SLC25A16: variants seen among roughly 807,000 people sequenced by gnomAD.
The protein encoded by SLC25A16 is mitochondrial coenzyme A transporter SLC25A16.
Under a neutral mutation model 41.5 loss-of-function variants are expected in SLC25A16, and 39 were observed. That is an observed-to-expected ratio of 0.94 (90% CI 0.73 to 1.23). The LOEUF is 1.23. SLC25A16 is among the 50% of genes most tolerant of loss of function. The pLI is 0.00. For missense variants in SLC25A16, 421 were observed against 426.9 expected (o/e 0.99, Z 0.12); for synonymous variants, 146 against 147.8 (o/e 0.99, Z 0.09).
In SLC25A16 at chr10:68,478,136, T is replaced by C. The variant is rs1047690867; in HGVS notation, c.*5296A>G. ...GCTCTAGATTCAGACCGGCTGAATT[T>C]GAATCCTAGATCTGCCACTTACATG... On this transcript the variant is annotated 3_prime_UTR_variant, in exon 9 of 9. Transcript: ENST00000609923. The C allele has an allele frequency of 2.0e-5, 3 of 152,214 alleles. No homozygotes were observed. Among genetic ancestry groups the C allele is most frequent in the African/African-American group, 7.2e-5 (3 of 41,464 alleles). 9.4% of individuals were successfully genotyped at this position (152,214 alleles called of 1,614,324 possible).
intron 1 of SLC25A16, among the ~76,000 whole-genome samples, chr10:68,525,655 A>T (rs2053325315): frequency 6.6e-6 from 1 of 152,210 alleles, no homozygotes. Context: ...ATCTTAAATA[A>T]TTAAGTAATG....
chr10:68,509,439 G>A (rs556519054), intron 2 of SLC25A16, among the ~76,000 whole-genome samples: 1 of 152,098 alleles, frequency 6.6e-6, no homozygotes, highest in African/African-American at 2.4e-5. Flanking sequence ...GTACAACCAG[G>A]CACAGTAGCT....
Position 68,488,608 on chromosome 10 carries a change from C to A in SLC25A16, c.632G>T (p.Gly211Val). ...PYAGVSFFTF[G>V]TLKSVGLSHA... is the part of the protein sequence containing the mutation. Reference sequence around the variant, plus strand: ...GGAAAGCCCAACACTCTTCAAGGTACCAAAAGTAAAAAATGAAACACCTGA... The same window carrying A: ...GGAAAGCCCAACACTCTTCAAGGTAACAAAAGTAAAAAATGAAACACCTGA... Residue 211 changes from glycine to valine, a missense_variant, in exon 7 of 9, where the codon GGT becomes GTT. By Grantham distance (109) the Gly-to-Val change is moderately radical. Coordinates refer to ENST00000609923, the MANE Select transcript of SLC25A16 (RefSeq NM_152707.4). The A allele has an allele frequency of 1.9e-6, 3 of 1,612,708 alleles. No homozygotes were observed. The highest frequency in any genetic ancestry group is 2.5e-6 in the Non-Finnish European group (3 of 1,179,656).
intron 7 of SLC25A16, 33 bp from the exon 8 acceptor site, chr10:68,487,245 A>G: frequency 6.3e-7 from 1 of 1,596,120 alleles, no homozygotes; most frequent in South Asian, 1.1e-5. Context: ...AGAATTAAAA[A>G]TTTTTGGTTT....
At position 68,491,282 on chromosome 10, in the gene SLC25A16, G is replaced by A. The variant is rs191297215; in HGVS notation, c.610+1850C>T. Among the ~76,000 whole-genome samples, 636 of 151,348 alleles carry A rather than the reference G, an allele frequency of 4.2e-3. 8 individuals carry two copies. The highest frequency in any genetic ancestry group is 0.014 in the African/African-American group (597 of 41,200). On this transcript the variant is annotated intron_variant, in intron 6 of 8. Transcript: ENST00000609923. ...GCTCTTGTGGCCCAGACTGGAGTGC[G>A]ATGGTGCAATCTTGGCTCACTGCAA...
chr10:68,511,745 T>C (rs2053067004), intron 2 of SLC25A16, among the ~76,000 whole-genome samples: 1 of 152,120 alleles, frequency 6.6e-6, no homozygotes, highest in Non-Finnish European at 1.5e-5. Context: ...CAGGCTGGAG[T>C]GCAGTGGCAC....
intron 1 of SLC25A16, among the ~76,000 whole-genome samples, chr10:68,518,858 C>T (rs1388236046): frequency 6.6e-6 from 1 of 151,662 alleles, no homozygotes; most frequent in African/African-American, 2.4e-5. Flanking sequence ...ATATTATATC[C>T]ACTATGTTTC....
intron 4 of SLC25A16, among the ~76,000 whole-genome samples, chr10:68,502,099 G>C (rs77601011): frequency 0.11 from 14,266 of 132,512 alleles, 1,097 homozygotes; most frequent in South Asian, 0.3. Context: ...GAGGGCTGAG[G>C]CAGGAGGATT....
At chr10:68,500,988 A>C (rs1008178809) in intron 4 of SLC25A16, among the ~76,000 whole-genome samples, 8 of 151,256 alleles carry the variant, frequency 5.3e-5, no homozygotes, top group African/African-American at 1.9e-4. Context: ...GCGGTGACTC[A>C]CACCTGTAAT....
At chr10:68,503,792 A>G in intron 3 of SLC25A16, 97 bp from the exon 4 acceptor site, 1 of 758,334 alleles carries the variant, frequency 1.3e-6, no homozygotes, top group Non-Finnish European at 2.3e-6. Context: ...TTACAGGACT[A>G]ATAAAAAGGA....
In SLC25A16 at chr10:68,506,735, A is replaced by G; in HGVS notation, c.224-17T>C. The G allele has an allele frequency of 6.5e-7, 1 of 1,532,076 alleles. No homozygotes were observed. Among genetic ancestry groups the G allele is most frequent in the East Asian group, 2.3e-5 (1 of 42,582 alleles). 94.9% of individuals were successfully genotyped at this position (1,532,076 alleles called of 1,614,324 possible). A position where few individuals can be genotyped will look rare whatever the true frequency, so the allele number is the denominator to read the frequency against. On this transcript the variant is annotated splice_polypyrimidine_tract_variant and intron_variant, in intron 2 of 8. Transcript: ENST00000609923. Reference sequence around the variant, plus strand: ...AAAATACTCCTATTTTTAGAGGAAAAATGCTGTTAAAACAGAGAAAATTAT... The same window carrying G: ...AAAATACTCCTATTTTTAGAGGAAAGATGCTGTTAAAACAGAGAAAATTAT...
intron 2 of SLC25A16, among the ~76,000 whole-genome samples, chr10:68,508,411 A>AAAAT (rs2052995487): frequency 6.6e-6 from 1 of 150,818 alleles, no homozygotes; most frequent in Admixed American, 6.6e-5. Flanking sequence ...TTTAAAAAAA[A>AAAAT]AAAAAAAAAA....
intron 6 of SLC25A16, among the ~76,000 whole-genome samples, chr10:68,490,275 A>T (rs952078554): frequency 3.3e-5 from 5 of 152,038 alleles, no homozygotes; most frequent in African/African-American, 1.2e-4. Flanking sequence ...CAACACAGCG[A>T]GACTCTATGT....
At chr10:68,524,120 C>A (rs2053293509) in intron 1 of SLC25A16, among the ~76,000 whole-genome samples, 1 of 151,766 alleles carries the variant, frequency 6.6e-6, no homozygotes, top group Admixed American at 6.6e-5. Flanking sequence ...ACCATCCTGG[C>A]TAATATGGTG....
At chr10:68,489,173 G>A (rs1378176393) in intron 6 of SLC25A16, among the ~76,000 whole-genome samples, 1 of 152,164 alleles carries the variant, frequency 6.6e-6, no homozygotes, top group Non-Finnish European at 1.5e-5. Flanking sequence ...GGAGGCTGAG[G>A]CAGGAGAATC....
intron 6 of SLC25A16, among the ~76,000 whole-genome samples, chr10:68,492,816 C>T (rs553262362): frequency 6.6e-6 from 1 of 152,030 alleles, no homozygotes; most frequent in African/African-American, 2.4e-5. Context: ...TATAATGAGA[C>T]AAAAACCACT....
intron 8 of SLC25A16, 99 bp from the exon 9 acceptor site, chr10:68,483,687 GCT>G: frequency 1.0e-6 from 1 of 970,192 alleles, no homozygotes; most frequent in Non-Finnish European, 1.5e-6. Context: ...ATGGACTCTT[GCT>G]CTGTCACCCA....
At chr10:68,489,280 C>G (rs1008640477) in intron 6 of SLC25A16, among the ~76,000 whole-genome samples, 55 of 151,884 alleles carry the variant, frequency 3.6e-4, no homozygotes, top group African/African-American at 1.2e-3. Flanking sequence ...AAACACAAAA[C>G]AAAACAAAAC....
In SLC25A16 at chr10:68,482,490, T is replaced by C. The variant is rs943152183; in HGVS notation, c.*942A>G. On this transcript the variant is annotated 3_prime_UTR_variant, in exon 9 of 9. Transcript: ENST00000609923. ...ATCATAATACCTTAGAAACATTTTTTGATATTCACATCTATATTAATAAAT... is the reference window on the plus strand; with the variant it reads ...ATCATAATACCTTAGAAACATTTTTCGATATTCACATCTATATTAATAAAT... The C allele has an allele frequency of 1.3e-5, 2 of 152,622 alleles. No homozygotes were observed. The highest frequency in any genetic ancestry group is 2.9e-5 in the Non-Finnish European group (2 of 68,032). The allele number at this position is 152,622 out of a possible 1,614,324, so 9.5% of individuals were successfully genotyped here.
Sources: gnomAD v4.1 joint callset for allele counts (sites outside exome capture counted in the v4.1 genomes callset) on GRCh38, gnomAD v4.1.1 for gene constraint, MANE v1.5 for transcripts, NCBI Gene and HGNC (gene_info 2026-07-23, HGNC 2026-07-21) for gene names.